The following MSRB3 variants were observed in gnomAD, a reference collection of about 807,000 sequenced individuals.
MSRB3 encodes methionine-R-sulfoxide reductase B3.
MSRB3 carries 13 observed loss-of-function variants against 21.0 expected under a neutral mutation model. The observed-to-expected ratio is 0.62, with a 90% CI of 0.40 to 0.98. MSRB3 has a LOEUF of 0.98. Among genes scored for constraint, MSRB3 ranks in the 50% least tolerant of loss-of-function variants. MSRB3 has a pLI of 0.00. For missense variants in MSRB3, 199 were observed against 230.3 expected (o/e 0.86, Z 0.88); for synonymous variants, 87 against 88.6 (o/e 0.98, Z 0.10).
At chr12:65,420,804 G>C (rs1009828791) in intron 5 of MSRB3, among the ~76,000 whole-genome samples, 1 of 152,134 alleles carries the variant, frequency 6.6e-6, no homozygotes, top group African/African-American at 2.4e-5. Flanking sequence ...ACATGGTCTT[G>C]TTTTCTTATG....
chr12:65,360,588 C>T (rs2136515857), intron 4 of MSRB3, among the ~76,000 whole-genome samples: 1 of 152,092 alleles, frequency 6.6e-6, no homozygotes, highest in South Asian at 2.1e-4. Flanking sequence ...CTTACTTTTT[C>T]CTCTGTTCCC....
intron 2 of MSRB3, among the ~76,000 whole-genome samples, chr12:65,313,611 A>G (rs1874118946): frequency 6.6e-6 from 1 of 152,104 alleles, no homozygotes; most frequent in African/African-American, 2.4e-5. Context: ...TAAAAGATGC[A>G]CATGAACCCA....
chr12:65,337,470 AT>A (rs893673378), intron 4 of MSRB3, among the ~76,000 whole-genome samples: 2 of 147,420 alleles, frequency 1.4e-5, no homozygotes, highest in Admixed American at 1.4e-4. Context: ...TTCAGCACAA[AT>A]TTGTTGCATA....
intron 5 of MSRB3, among the ~76,000 whole-genome samples, chr12:65,403,279 C>T (rs190241313): frequency 2.0e-5 from 3 of 152,344 alleles, no homozygotes; most frequent in Admixed American, 6.5e-5. Flanking sequence ...GGGGCTGCTG[C>T]CTTTCTTTCA....
At chr12:65,282,794 G>A (rs1872116753) in intron 1 of MSRB3, among the ~76,000 whole-genome samples, 1 of 152,002 alleles carries the variant, frequency 6.6e-6, no homozygotes, top group African/African-American at 2.4e-5. Flanking sequence ...AAATTCCTGG[G>A]AGGTAGAACC....
Position 65,402,138 on chromosome 12 carries a change from C to T in MSRB3, c.292+33112C>T, listed in dbSNP as rs531824120. ...ATCTTTGTGGTGTTCTCTGTATTTC[C>T]TGAATTTGAATGTTGGCCTGGCTTG... On this transcript the variant is annotated intron_variant, in intron 5 of 6. Transcript: ENST00000308259. 3.0e-4 allele frequency among the ~76,000 whole-genome samples: 45 copies of T among 152,230 alleles called. No individual in the cohort carries two copies. The South Asian group carries it at 9.3e-3, about 32-fold the overall frequency.
intron 2 of MSRB3, among the ~76,000 whole-genome samples, chr12:65,319,715 G>T (rs553170129): frequency 9.9e-5 from 15 of 152,180 alleles, no homozygotes; most frequent in Admixed American, 8.5e-4. Flanking sequence ...TTAATATTAG[G>T]CTCAACAGTT....
chr12:65,350,486 T>G (rs896579483), intron 4 of MSRB3, among the ~76,000 whole-genome samples: 1 of 151,184 alleles, frequency 6.6e-6, no homozygotes, highest in Non-Finnish European at 1.5e-5. Context: ...GTAAATGGAC[T>G]AAATGCTCCA....
intron 6 of MSRB3, among the ~76,000 whole-genome samples, chr12:65,458,742 C>T (rs1883196528): frequency 6.6e-6 from 1 of 152,204 alleles, no homozygotes; most frequent in African/African-American, 2.4e-5. Flanking sequence ...CTTAAATTTA[C>T]TCGCTTTGGT....
intron 2 of MSRB3, among the ~76,000 whole-genome samples, chr12:65,325,815 A>G (rs904276046): frequency 2.6e-5 from 4 of 152,170 alleles, no homozygotes; most frequent in Non-Finnish European, 4.4e-5. Flanking sequence ...AAGAAAAGCA[A>G]TTTTACTGCA....
chr12:65,309,838 A>G (rs1461700300), intron 2 of MSRB3, among the ~76,000 whole-genome samples: 1 of 152,186 alleles, frequency 6.6e-6, no homozygotes, highest in Non-Finnish European at 1.5e-5. Context: ...TCAGAGAAAT[A>G]CAGTTATTCA....
At chr12:65,371,049 C>T (rs1434024344) in intron 5 of MSRB3, among the ~76,000 whole-genome samples, 11 of 152,064 alleles carry the variant, frequency 7.2e-5, no homozygotes, top group South Asian at 2.1e-4. Flanking sequence ...AGCATAGGGC[C>T]GGGCACAGTG....
At chr12:65,348,471 C>A (rs539868260) in intron 4 of MSRB3, among the ~76,000 whole-genome samples, 53 of 152,008 alleles carry the variant, frequency 3.5e-4, no homozygotes, top group Non-Finnish European at 3.2e-4. Flanking sequence ...TTTGATTCTT[C>A]TCTCTTTTCT....
At chr12:65,452,122 G>A (rs1882884655) in intron 5 of MSRB3, among the ~76,000 whole-genome samples, 1 of 152,104 alleles carries the variant, frequency 6.6e-6, no homozygotes, top group Non-Finnish European at 1.5e-5. Context: ...TGTGGTGCTG[G>A]GGTAAGGTAG....
At chr12:65,323,596 T>A (rs1020446372) in intron 2 of MSRB3, among the ~76,000 whole-genome samples, 2 of 152,230 alleles carry the variant, frequency 1.3e-5, no homozygotes, top group African/African-American at 4.8e-5. Flanking sequence ...AGATGTCATA[T>A]AATACTAATG....
chr12:65,385,823 T>C (rs2136567025), intron 5 of MSRB3, among the ~76,000 whole-genome samples: 1 of 152,150 alleles, frequency 6.6e-6, no homozygotes, highest in East Asian at 1.9e-4. Context: ...TTCTTTCCTT[T>C]AGTTGGATTA....
chr12:65,392,351 G>A (rs1879527744), intron 5 of MSRB3, among the ~76,000 whole-genome samples: 1 of 152,134 alleles, frequency 6.6e-6, no homozygotes, highest in South Asian at 2.1e-4. Context: ...TCTGCATCTA[G>A]CATACTTCTT....
chr12:65,383,937 G>A (rs548086518), intron 5 of MSRB3, among the ~76,000 whole-genome samples: 2 of 152,316 alleles, frequency 1.3e-5, no homozygotes, highest in Non-Finnish European at 2.9e-5. Flanking sequence ...GGGATTACAG[G>A]CGTGAGCCAC....
chr12:65,382,170 G>C (rs554665834), intron 5 of MSRB3, among the ~76,000 whole-genome samples: 2 of 152,020 alleles, frequency 1.3e-5, no homozygotes, highest in African/African-American at 4.8e-5. Context: ...AAGGCTATAT[G>C]TAGATGGTGA....
Sources: allele counts gnomAD v4.1 joint callset (sites outside exome capture counted in the v4.1 genomes callset), GRCh38; gene constraint gnomAD v4.1.1; transcripts MANE v1.5; gene names NCBI Gene and HGNC (gene_info 2026-07-23, HGNC 2026-07-21).